Variants in ING2 observed in about 807,000 individuals in gnomAD.
ING2 encodes inhibitor of growth protein 2.
Under a neutral mutation model 30.6 loss-of-function variants are expected in ING2, and 7 were observed. That is an observed-to-expected ratio of 0.23 (90% CI 0.13 to 0.43). ING2 has a LOEUF of 0.43. Ranked by LOEUF, ING2 falls within the 20% of genes least tolerant of loss-of-function variation. The pLI, the probability that ING2 is intolerant of heterozygous loss-of-function variation, is 1.00. For synonymous variants in ING2, 136 were observed against 121.7 expected (o/e 1.12, Z -0.78); for missense variants, 239 against 334.9 (o/e 0.71, Z 2.24).
chr4:183,505,061 C>A lies in ING2; in HGVS notation c.-135C>A. 1.4e-6 allele frequency: 1 copy of A among 711,434 alleles called. No individual in the cohort carries two copies. The highest frequency in any genetic ancestry group is 2.0e-6 in the Non-Finnish European group (1 of 510,274). The allele number at this position is 711,434 out of a possible 1,614,324, so 44.1% of individuals were successfully genotyped here. A position where few individuals can be genotyped will look rare whatever the true frequency, so the allele number is the denominator to read the frequency against. The stretch of plus-strand genomic sequence containing the variant: ...TCTGGGGGGAGTGGAGATCGGGGAG[C>A]GCGGCCGTGCCCTCTCGAGCGGCTG... On this transcript the variant is annotated 5_prime_UTR_variant, in exon 1 of 2. Coordinates refer to ENST00000302327, the MANE Select transcript of ING2 (RefSeq NM_001564.4).
intron 1 of ING2, chr4:183,506,394 C>A: frequency 1.9e-6 from 2 of 1,027,820 alleles, no homozygotes; most frequent in Non-Finnish European, 2.7e-6. Flanking sequence ...GCCTGGCGTC[C>A]CCGAGCCCCT....
At position 183,510,999 on chromosome 4, in the gene ING2, C is replaced by T. The variant is rs375911461; in HGVS notation, c.*47C>T. On this transcript the variant is annotated 3_prime_UTR_variant, in exon 2 of 2. Transcript: ENST00000302327. ...AGGGTTATTTGTCTTTTATATAATT[C>T]GTTTGCTTTCAGAAAATGTTTTAGG... is the stretch of plus-strand genomic sequence containing the variant. 1.5e-5 allele frequency: 21 copies of T among 1,441,672 alleles called. No homozygotes were observed. In the African/African-American group the frequency reaches 1.9e-4, roughly 13 times the overall value. 89.3% of individuals were successfully genotyped at this position (1,441,672 alleles called of 1,614,324 possible). A position where few individuals can be genotyped will look rare whatever the true frequency, so the allele number is the denominator to read the frequency against.
rs1734836973 is a variant in ING2 at position 183,512,330 on chromosome 4, CTG to C, written c.*1380_*1381del. Among the ~76,000 whole-genome samples the C allele has an allele frequency of 6.6e-6, 1 of 152,090 alleles. No individual in the cohort carries two copies. The highest frequency in any genetic ancestry group is 2.4e-5 in the African/African-American group (1 of 41,406). On this transcript the variant is annotated 3_prime_UTR_variant, in exon 2 of 2. Transcript: ENST00000302327. Reference sequence around the variant, plus strand: ...CTTGTCTGGGTGTCAGGTCATTCACCTGTAAAATGAGTTGGCTTAAATATCTC... The same window carrying C: ...CTTGTCTGGGTGTCAGGTCATTCACCTAAAATGAGTTGGCTTAAATATCTC...
rs776462465 is a variant in ING2, at chr4:183,511,927, A to G, written c.*975A>G. Among the ~76,000 whole-genome samples, 3 of 152,308 alleles carry G rather than the reference A, an allele frequency of 2.0e-5. No individual in the cohort carries two copies. The highest frequency in any genetic ancestry group is 1.5e-5 in the Non-Finnish European group (1 of 68,024). ...TTCTGTCCCAATCAGTGACTATTTT[A>G]AATAATAGTGTATTTACTGTCTTAA... is the stretch of plus-strand genomic sequence containing the variant. On this transcript the variant is annotated 3_prime_UTR_variant, in exon 2 of 2. Transcript: ENST00000302327.
At chr4:183,510,160 C>G (rs1560970856) in intron 1 of ING2, 122 bp from the exon 2 acceptor site, 3 of 667,232 alleles carry the variant, frequency 4.5e-6, no homozygotes, top group Non-Finnish European at 7.7e-6. Context: ...GTATATGTAC[C>G]AAAGAGGAGT....
Position 183,511,681 on chromosome 4 carries a change from T to C in ING2, c.*729T>C, listed in dbSNP as rs779204067. 2.6e-5 allele frequency among the ~76,000 whole-genome samples: 4 copies of C among 152,208 alleles called. No homozygotes were observed. Among genetic ancestry groups the C allele is most frequent in the East Asian group, 1.9e-4 (1 of 5,200 alleles). ...GTAAGAGTAGTTAGCATACCAAAAATATACATTGGCTTACATTGGCAAACT... is the reference window on the plus strand; with the variant it reads ...GTAAGAGTAGTTAGCATACCAAAAACATACATTGGCTTACATTGGCAAACT... On this transcript the variant is annotated 3_prime_UTR_variant, in exon 2 of 2. Transcript: ENST00000302327.
In ING2 at chr4:183,508,259, A is replaced by G. The variant is rs369321940; in HGVS notation, c.173-2023A>G. Reference sequence around the variant, plus strand: ...TAATACGGTATCTTACAAATTTTTTATCTCATCTATCAATGTGCTGGTATG... The same window carrying G: ...TAATACGGTATCTTACAAATTTTTTGTCTCATCTATCAATGTGCTGGTATG... On this transcript the variant is annotated intron_variant, in intron 1 of 1. Coordinates refer to ENST00000302327, the MANE Select transcript of ING2 (RefSeq NM_001564.4). Among the ~76,000 whole-genome samples the G allele has an allele frequency of 1.7e-4, 26 of 152,204 alleles. No individual in the cohort carries two copies. In the South Asian group the frequency reaches 5.2e-3, roughly 30 times the overall value.
rs748629066 is a variant in ING2 at position 183,511,201 on chromosome 4, CATT to C, written c.*252_*254del. 60 of 296,648 alleles carry C rather than the reference CATT, an allele frequency of 2.0e-4. No homozygotes were observed. Among genetic ancestry groups the C allele is most frequent in the African/African-American group, 1.2e-3 (55 of 46,426 alleles). The allele number at this position is 296,648 out of a possible 1,614,324, so 18.4% of individuals were successfully genotyped here. On this transcript the variant is annotated 3_prime_UTR_variant, in exon 2 of 2. Coordinates refer to ENST00000302327, the MANE Select transcript of ING2 (RefSeq NM_001564.4). ...GGGAACAGGAAGAGGGTGGTGTAAA[CATT>C]ATAAAAATTTCACAAACCATGCCTA...
At chr4:183,506,074 C>G in intron 1 of ING2, 1 of 1,162,952 alleles carries the variant, frequency 8.6e-7, no homozygotes, top group Non-Finnish European at 1.1e-6. Flanking sequence ...GCGGGCTTGA[C>G]GAGGGGCGTG....
intron 1 of ING2, among the ~76,000 whole-genome samples, chr4:183,507,911 G>A (rs1734716635): frequency 6.6e-6 from 1 of 152,076 alleles, no homozygotes; most frequent in Admixed American, 6.5e-5. Context: ...ACTTATTATG[G>A]GATAGGGTTA....
chr4:183,511,034 T>A lies in ING2; in HGVS notation c.*82T>A. 1 of 1,059,384 alleles carries A rather than the reference T, an allele frequency of 9.4e-7. No individual in the cohort carries two copies. Among genetic ancestry groups the A allele is most frequent in the Non-Finnish European group, 1.3e-6 (1 of 743,732 alleles). The allele number at this position is 1,059,384 out of a possible 1,614,324, so 65.6% of individuals were successfully genotyped here. On this transcript the variant is annotated 3_prime_UTR_variant, in exon 2 of 2. Coordinates refer to ENST00000302327, the MANE Select transcript of ING2 (RefSeq NM_001564.4). Reference sequence around the variant, plus strand: ...CAGAAAATGTTTTAGGGTAAATGCATAAGACTATGCAATAATTTTTAATCA... The same window carrying A: ...CAGAAAATGTTTTAGGGTAAATGCAAAAGACTATGCAATAATTTTTAATCA...
chr4:183,506,158 C>A, intron 1 of ING2: 2 of 1,270,200 alleles, frequency 1.6e-6, no homozygotes, highest in African/African-American at 3.1e-5. Context: ...GAGCTGGCTG[C>A]TGGGGAGGGA....
chr4:183,507,883 C>T (rs1734715625), intron 1 of ING2, among the ~76,000 whole-genome samples: 1 of 152,028 alleles, frequency 6.6e-6, no homozygotes, highest in Non-Finnish European at 1.5e-5. Flanking sequence ...AAGAAGAAAA[C>T]AATTTCACAA....
At chr4:183,508,150 G>C (rs1285045463) in intron 1 of ING2, among the ~76,000 whole-genome samples, 2 of 151,764 alleles carry the variant, frequency 1.3e-5, no homozygotes, top group African/African-American at 4.8e-5. Context: ...TTCCTCATGG[G>C]GTTGCTGTGG....
At chr4:183,506,429 G>T in intron 1 of ING2, 1 of 733,442 alleles carries the variant, frequency 1.4e-6, no homozygotes, top group Non-Finnish European at 2.1e-6. Context: ...AAGTGTGGAG[G>T]CGAAACCACC....
rs557006433 is a variant in ING2, at chr4:183,505,992, A to T, written c.172+625A>T. The T allele has an allele frequency of 8.1e-6, 6 of 743,236 alleles. No individual in the cohort carries two copies. In the African/African-American group the frequency reaches 1.2e-4, roughly 15 times the overall value. 46.0% of individuals were successfully genotyped at this position (743,236 alleles called of 1,614,324 possible). ...CTTTCGGCAAAATGGTTAAGAGGGG[A>T]GGGGTCCCCCGCGGGAGAGGAAGAG... On this transcript the variant is annotated intron_variant, in intron 1 of 1. Coordinates refer to ENST00000302327, the MANE Select transcript of ING2 (RefSeq NM_001564.4).
intron 1 of ING2, among the ~76,000 whole-genome samples, chr4:183,505,892 G>A (rs1246725164): frequency 6.6e-6 from 1 of 151,690 alleles, no homozygotes; most frequent in East Asian, 1.9e-4. Context: ...CCCCGGCCCG[G>A]AGGAGAGCAG....
intron 1 of ING2, among the ~76,000 whole-genome samples, chr4:183,506,627 T>G (rs140522596): frequency 1.9e-3 from 295 of 152,354 alleles, no homozygotes; most frequent in African/African-American, 6.9e-3. Flanking sequence ...GATAATTTCC[T>G]GGACCCATTC....
chr4:183,506,048 G>T (rs1288611401), intron 1 of ING2: 6 of 1,101,320 alleles, frequency 5.4e-6, no homozygotes, highest in East Asian at 9.0e-5. Flanking sequence ...GGGCCCCCGC[G>T]CCGGGGGCGG....
Sources: gnomAD v4.1 joint callset for allele counts (sites outside exome capture counted in the v4.1 genomes callset) on GRCh38, gnomAD v4.1.1 for gene constraint, MANE v1.5 for transcripts, NCBI Gene and HGNC (gene_info 2026-07-23, HGNC 2026-07-21) for gene names.